The following SLC25A13 variants were observed in gnomAD, a reference collection of about 807,000 sequenced individuals.
The protein encoded by SLC25A13 is solute carrier family 25 member 13.
SLC25A13 carries 70 observed loss-of-function variants against 85.5 expected under a neutral mutation model. The ratio of observed to expected loss-of-function variants is 0.82; its 90% CI spans 0.68 to 1.00. SLC25A13 has a LOEUF of 1.00. Among genes scored for constraint, SLC25A13 ranks in the 50% least tolerant of loss-of-function variants. SLC25A13 has a pLI of 0.00. For missense variants in SLC25A13, 765 were observed against 819.8 expected, an observed-to-expected ratio of 0.93 and a Z score of 0.82; for synonymous variants, 259 against 288.7, an observed-to-expected ratio of 0.90 and a Z score of 1.04.
intron 6 of SLC25A13, among the ~76,000 whole-genome samples, chr7:96,191,715 T>C (rs1794862691): frequency 1.3e-5 from 2 of 152,198 alleles, no homozygotes; most frequent in African/African-American, 4.8e-5. Flanking sequence ...TATCAAGACT[T>C]GTCAAGTTAC....
intron 5 of SLC25A13, among the ~76,000 whole-genome samples, chr7:96,206,641 A>T: frequency 6.6e-6 from 1 of 152,188 alleles, no homozygotes; most frequent in East Asian, 1.9e-4. Context: ...ATCTAGTAAA[A>T]GTTCAGTACT....
chr7:96,301,163 G>C (rs1356659242), intron 1 of SLC25A13, among the ~76,000 whole-genome samples: 2 of 152,198 alleles, frequency 1.3e-5, no homozygotes, highest in African/African-American at 4.8e-5. Context: ...TGTCCAGCAT[G>C]CATACTTTGC....
At chr7:96,245,507 C>G (rs1425423569) in intron 3 of SLC25A13, among the ~76,000 whole-genome samples, 1 of 152,126 alleles carries the variant, frequency 6.6e-6, no homozygotes, top group African/African-American at 2.4e-5. Context: ...GATAAATATC[C>G]TTTATTTCTT....
chr7:96,280,899 C>T (rs537500894), intron 2 of SLC25A13, among the ~76,000 whole-genome samples: 1 of 152,246 alleles, frequency 6.6e-6, no homozygotes, highest in East Asian at 1.9e-4. Context: ...GAACATACAA[C>T]CACAAGCCCA....
intron 7 of SLC25A13, among the ~76,000 whole-genome samples, chr7:96,190,726 C>T (rs1037165362): frequency 2.0e-5 from 3 of 152,140 alleles, no homozygotes; most frequent in Admixed American, 6.5e-5. Context: ...GATTCTTCTG[C>T]CTCAGCCTCC....
At chr7:96,277,793 CT>C (rs201224352) in intron 2 of SLC25A13, among the ~76,000 whole-genome samples, 47 of 89,308 alleles carry the variant, frequency 5.3e-4, no homozygotes, top group Admixed American at 5.8e-4. Flanking sequence ...AGGCACATAG[CT>C]TTTTAAAAAA....
chr7:96,209,066 T>A, intron 4 of SLC25A13, 89 bp from the exon 5 acceptor site: 1 of 1,334,262 alleles, frequency 7.5e-7, no homozygotes, highest in South Asian at 1.3e-5. Context: ...CGCTTTTTCT[T>A]ATTAAAAAAA....
At chr7:96,282,347 T>A (rs897469695) in intron 2 of SLC25A13, among the ~76,000 whole-genome samples, 3 of 152,190 alleles carry the variant, frequency 2.0e-5, no homozygotes, top group Non-Finnish European at 2.9e-5. Context: ...GTTTGTAAGC[T>A]GTGAATGAGC....
At chr7:96,271,725 T>C (rs1002300129) in intron 3 of SLC25A13, among the ~76,000 whole-genome samples, 3 of 152,072 alleles carry the variant, frequency 2.0e-5, no homozygotes, top group East Asian at 1.9e-4. Flanking sequence ...ATGTAAAATA[T>C]ATATTACACA....
intron 2 of SLC25A13, among the ~76,000 whole-genome samples, chr7:96,282,520 T>C (rs1029275782): frequency 3.3e-5 from 5 of 152,138 alleles, no homozygotes; most frequent in African/African-American, 1.2e-4. Flanking sequence ...GTTATAGGGA[T>C]GGAACAAAAT....
At chr7:96,154,659 CCTT>C (rs1184691239) in intron 13 of SLC25A13, among the ~76,000 whole-genome samples, 3 of 152,238 alleles carry the variant, frequency 2.0e-5, no homozygotes, top group East Asian at 1.9e-4. Flanking sequence ...AGAGTGGACT[CCTT>C]CTACTTGTAG....
chr7:96,121,505 C>G, intron 17 of SLC25A13, 128 bp from the exon 18 acceptor site: 1 of 1,379,560 alleles, frequency 7.2e-7, no homozygotes, highest in Non-Finnish European at 1.0e-6. Flanking sequence ...GTTGTATGTT[C>G]CCCTTGGAAA....
chr7:96,259,979 G>A (rs1415449823), intron 3 of SLC25A13, among the ~76,000 whole-genome samples: 5 of 149,006 alleles, frequency 3.4e-5, no homozygotes, highest in African/African-American at 7.5e-5. Flanking sequence ...CCGCATGTTC[G>A]CACTCATAAG....
At chr7:96,253,157 G>A (rs1797500462) in intron 3 of SLC25A13, among the ~76,000 whole-genome samples, 1 of 152,184 alleles carries the variant, frequency 6.6e-6, no homozygotes, top group Non-Finnish European at 1.5e-5. Flanking sequence ...CTTTTGATGA[G>A]TGTTGCAGAA....
intron 13 of SLC25A13, among the ~76,000 whole-genome samples, chr7:96,153,586 G>A (rs1015478931): frequency 1.3e-5 from 2 of 152,104 alleles, no homozygotes; most frequent in African/African-American, 2.4e-5. Context: ...CACCACAGCG[G>A]GTTCTCTATT....
At chr7:96,215,780 C>T (rs1252309514) in intron 4 of SLC25A13, among the ~76,000 whole-genome samples, 1 of 151,324 alleles carries the variant, frequency 6.6e-6, no homozygotes, top group Non-Finnish European at 1.5e-5. Flanking sequence ...TAGTTGACAC[C>T]AAAACTACAA....
chr7:96,195,229 GTC>G (rs1384099558), intron 5 of SLC25A13, among the ~76,000 whole-genome samples: 1 of 152,102 alleles, frequency 6.6e-6, no homozygotes, highest in Non-Finnish European at 1.5e-5. Flanking sequence ...CTCAAACCTG[GTC>G]TCTCTTCTAT....
chr7:96,210,892 C>T (rs1795665357), intron 4 of SLC25A13, among the ~76,000 whole-genome samples: 1 of 145,346 alleles, frequency 6.9e-6, no homozygotes, highest in African/African-American at 2.5e-5. Context: ...TCCTTTCTGC[C>T]AAGCATTCCA....
chr7:96,271,809 T>C (rs1409661041), intron 3 of SLC25A13, among the ~76,000 whole-genome samples: 1 of 152,090 alleles, frequency 6.6e-6, no homozygotes, highest in African/African-American at 2.4e-5. Flanking sequence ...TGTCTATTAA[T>C]GGGAAGGGGG....
Sources: gnomAD v4.1 joint callset for allele counts (sites outside exome capture counted in the v4.1 genomes callset) on GRCh38, gnomAD v4.1.1 for gene constraint, MANE v1.5 for transcripts, NCBI Gene and HGNC (gene_info 2026-07-23, HGNC 2026-07-21) for gene names.